Variants in SNED1 observed in about 807,000 individuals in gnomAD.
SNED1 encodes sushi, nidogen and EGF-like domain-containing protein 1.
In SNED1, 81 loss-of-function variants were observed where a neutral mutation model predicts 166.7. That is an observed-to-expected ratio of 0.49 (90% confidence interval 0.41 to 0.58). The LOEUF is 0.58. Ranked by LOEUF, SNED1 falls within the 20% of genes least tolerant of loss-of-function variation. The pLI is 0.00. For missense variants in SNED1, 1,604 were observed against 2,000.2 expected, an observed-to-expected ratio of 0.80 and a Z score of 3.78; for synonymous variants, 762 against 822.0, an observed-to-expected ratio of 0.93 and a Z score of 1.25.
chr2:241,088,486 C>T (rs1404140423), intron 31 of SNED1, 84 bp downstream of exon 31: 1 of 1,096,154 alleles, frequency 9.1e-7, no homozygotes, highest in South Asian at 1.2e-5. Flanking sequence ...TCTCAGAGTG[C>T]CGCTGCCTGC....
chr2:241,014,284 C>T (rs2060505311), intron 1 of SNED1, among the ~76,000 whole-genome samples: 2 of 152,170 alleles, frequency 1.3e-5, no homozygotes, highest in Admixed American at 1.3e-4. Flanking sequence ...TGTGAGCCAC[C>T]ATGCCAGGCC....
chr2:241,082,445 G>C, intron 29 of SNED1, 81 bp downstream of exon 29: 5 of 1,081,546 alleles, frequency 4.6e-6, no homozygotes, highest in Non-Finnish European at 7.0e-6. Flanking sequence ...AAGCTACCCA[G>C]CTAACCCTGA....
intron 2 of SNED1, among the ~76,000 whole-genome samples, chr2:241,032,391 A>G (rs1453820544): frequency 6.7e-6 from 1 of 148,532 alleles, no homozygotes; most frequent in Non-Finnish European, 1.5e-5. Flanking sequence ...TCGGAGCCAC[A>G]TTTAGAAGTG....
rs2060022625 is a variant in SNED1, at chr2:240,999,815, G to A, written c.213+765G>A. Among the ~76,000 whole-genome samples, 1 of 152,166 alleles carries A rather than the reference G, an allele frequency of 6.6e-6. No individual in the cohort carries two copies. The highest frequency in any genetic ancestry group is 2.1e-4 in the South Asian group (1 of 4,838). On this transcript the variant is annotated intron_variant, in intron 1 of 31. Transcript: ENST00000310397. The surrounding 1 kb of genome is among the most constrained non-coding windows in gnomAD (Gnocchi z 5.8). ...CTTATGGCAGCCCAGGGAATGAAAT[G>A]CACCTGGTAACTGCATGGAGCACTC...
In SNED1 at chr2:241,033,876, G is replaced by A. The variant is rs1240761782; in HGVS notation, c.642+1G>A. 6.3e-7 allele frequency: 1 copy of A among 1,597,222 alleles called. No homozygotes were observed. The highest frequency in any genetic ancestry group is 1.1e-5 in the South Asian group (1 of 88,052). On this transcript the variant is annotated splice_donor_variant, in intron 3 of 31. Coordinates refer to ENST00000310397, the MANE Select transcript of SNED1 (RefSeq NM_001080437.3). LOFTEE classifies it high-confidence loss of function. ...TGGCCTCGGGGGCATCGCAGCCCAG[G>A]TAGGCGAGTGCAGTCGGTGCTCTGT...
At chr2:241,022,868 ATCC>A (rs1197430195) in intron 1 of SNED1, among the ~76,000 whole-genome samples, 4 of 152,210 alleles carry the variant, frequency 2.6e-5, no homozygotes, top group African/African-American at 9.6e-5. Flanking sequence ...TGTTTATAAA[ATCC>A]TCTGATTACC....
chr2:241,077,006 G>A (rs529047709), intron 27 of SNED1, among the ~76,000 whole-genome samples: 3 of 152,126 alleles, frequency 2.0e-5, no homozygotes, highest in East Asian at 3.9e-4. Flanking sequence ...GTGAACCCGG[G>A]AGGTGGAGCT....
At chr2:241,071,367 C>T in intron 24 of SNED1, 1 of 616,694 alleles carries the variant, frequency 1.6e-6, no homozygotes, top group Admixed American at 2.7e-5. Flanking sequence ...CATGGCTCCT[C>T]CTCAGAAGGG....
intron 1 of SNED1, among the ~76,000 whole-genome samples, chr2:241,006,257 C>T (rs2060218688): frequency 6.6e-6 from 1 of 152,012 alleles, no homozygotes; most frequent in South Asian, 2.1e-4. Context: ...CTGCATTTTT[C>T]ATTTCTTCCC....
Position 240,999,093 on chromosome 2 carries a change from A to T in SNED1, c.213+43A>T. On this transcript the variant is annotated intron_variant, in intron 1 of 31. Coordinates refer to ENST00000310397, the MANE Select transcript of SNED1 (RefSeq NM_001080437.3). This position sits in a 1 kb window ranked among gnomAD's most constrained non-coding sequence, Gnocchi z 5.8. ...TCGCGGGGCGCCCGGGAGGGGAGGG[A>T]GCTGCGCCCCGGCCGCTGCCCGCCG... The T allele has an allele frequency of 8.6e-7, 1 of 1,163,260 alleles. No individual in the cohort carries two copies. Among genetic ancestry groups the T allele is most frequent in the Non-Finnish European group, 1.1e-6 (1 of 924,464 alleles). 72.1% of individuals were successfully genotyped at this position (1,163,260 alleles called of 1,614,324 possible). A position where few individuals can be genotyped will look rare whatever the true frequency, so the allele number is the denominator to read the frequency against.
chr2:241,085,580 T>G (rs1481871678), intron 29 of SNED1, among the ~76,000 whole-genome samples: 2 of 152,168 alleles, frequency 1.3e-5, no homozygotes, highest in African/African-American at 4.8e-5. Context: ...TCTTATTCTA[T>G]TTGATTATTT....
chr2:241,073,045 G>A lies in SNED1; in HGVS notation c.3818-221G>A. 1.8e-6 allele frequency: 1 copy of A among 542,200 alleles called. No individual in the cohort carries two copies. Among genetic ancestry groups the A allele is most frequent in the Non-Finnish European group, 3.3e-6 (1 of 304,506 alleles). The allele number at this position is 542,200 out of a possible 1,614,324, so 33.6% of individuals were successfully genotyped here. ...AAGCAGCTCTGAGGGGGCCCTGCAA[G>A]GGGAAGGCCGAGCCCCTCCAGAGGG... On this transcript the variant is annotated intron_variant, in intron 26 of 31. Transcript: ENST00000310397. The surrounding 1 kb of genome is among the most constrained non-coding windows in gnomAD (Gnocchi z 6.6).
At chr2:241,053,029 C>T (rs921816870) in intron 15 of SNED1, 124 bp from the exon 16 acceptor site, 6 of 899,794 alleles carry the variant, frequency 6.7e-6, no homozygotes, top group African/African-American at 3.4e-5. Context: ...CACCTTTCCC[C>T]GGTGAAGGGC....
chr2:241,089,348 C>A, intron 31 of SNED1: 1 of 1,550,618 alleles, frequency 6.4e-7, no homozygotes, highest in South Asian at 1.2e-5. Flanking sequence ...CAAAACAGGT[C>A]TATGTTTTGT....
Position 241,068,830 on chromosome 2 carries a change from TG to T in SNED1, c.3195-76del. On this transcript the variant is annotated intron_variant, in intron 22 of 31. Transcript: ENST00000310397. The surrounding 1 kb of genome is among the most constrained non-coding windows in gnomAD (Gnocchi z 5.3). ...GACCTCCCCGCAGTCACCTCCTGCC[TG>T]GGGGAGCTGCGGTCTGGCAGCAGAG... The T allele has an allele frequency of 1.0e-6, 1 of 984,124 alleles. No individual in the cohort carries two copies. Among genetic ancestry groups the T allele is most frequent in the Non-Finnish European group, 1.5e-6 (1 of 660,646 alleles). 61.0% of individuals were successfully genotyped at this position (984,124 alleles called of 1,614,324 possible).
chr2:241,083,349 T>G (rs1255156591), intron 29 of SNED1, among the ~76,000 whole-genome samples: 1 of 151,432 alleles, frequency 6.6e-6, no homozygotes, highest in Non-Finnish European at 1.5e-5. Flanking sequence ...CTCGGGGCCA[T>G]GGAGACCCAC....
chr2:241,046,180 A>G (rs1172459806), intron 8 of SNED1, among the ~76,000 whole-genome samples: 3 of 152,016 alleles, frequency 2.0e-5, no homozygotes, highest in Admixed American at 6.5e-5. Flanking sequence ...ATACAGAGCA[A>G]CTGGAACTCT....
At chr2:241,071,502 A>C (rs1575059228) in intron 24 of SNED1, 74 bp from the exon 25 acceptor site, 1 of 1,493,152 alleles carries the variant, frequency 6.7e-7, no homozygotes. Flanking sequence ...GAGGGGCACC[A>C]CCCATGCCAC....
intron 6 of SNED1, 131 bp downstream of exon 6, chr2:241,037,484 C>T: frequency 3.0e-6 from 2 of 659,978 alleles, no homozygotes; most frequent in Non-Finnish European, 5.2e-6. Context: ...CCAGAGAAGC[C>T]ACCCTCGAGG....
Sources: gnomAD v4.1 joint callset for allele counts (sites outside exome capture counted in the v4.1 genomes callset) on GRCh38, gnomAD v4.1.1 for gene constraint, Gnocchi (gnomAD v3.1) non-coding constraint, MANE v1.5 for transcripts, NCBI Gene and HGNC (gene_info 2026-07-23, HGNC 2026-07-21) for gene names.